Variants in ULK4 observed in about 807,000 individuals in gnomAD.
The protein encoded by ULK4 is unc-51 like kinase 4, also known as inactive serine/threonine-protein kinase ULK4.
ULK4 carries 133 observed loss-of-function variants against 160.6 expected under a neutral mutation model. The observed-to-expected ratio is 0.83, with a 90% CI of 0.72 to 0.96. The LOEUF (loss-of-function observed/expected upper bound fraction) is 0.96, where lower values mean the gene tolerates loss of function less well. ULK4 is among the 40% of genes least tolerant of loss of function. The pLI, the probability that ULK4 is intolerant of heterozygous loss-of-function variation, is 0.00. For synonymous variants in ULK4, 534 were observed against 539.8 expected (o/e 0.99, Z 0.15); for missense variants, 1,580 against 1,499.5 (o/e 1.05, Z -0.89).
chr3:41,622,436 TG>T (rs1215279953), intron 30 of ULK4, among the ~76,000 whole-genome samples: 7 of 151,930 alleles, frequency 4.6e-5, no homozygotes, highest in African/African-American at 1.7e-4. Context: ...AGTAGGAGTT[TG>T]TGTCCTTTGC....
At chr3:41,465,776 C>T (rs1391546281) in intron 32 of ULK4, among the ~76,000 whole-genome samples, 1 of 152,152 alleles carries the variant, frequency 6.6e-6, no homozygotes, top group Non-Finnish European at 1.5e-5. Flanking sequence ...TGCATCTTAT[C>T]TGGAAAGATA....
intron 16 of ULK4, among the ~76,000 whole-genome samples, chr3:41,884,881 G>T (rs1246996347): frequency 6.6e-6 from 1 of 152,124 alleles, no homozygotes; most frequent in Non-Finnish European, 1.5e-5. Flanking sequence ...TGTAGAATTA[G>T]CATCCCACCT....
chr3:41,416,210 A>AGG (rs1293072714), intron 34 of ULK4, among the ~76,000 whole-genome samples: 2 of 151,934 alleles, frequency 1.3e-5, no homozygotes, highest in Admixed American at 1.3e-4. Context: ...CCTGGGACAA[A>AGG]TTTGTCCCCA....
chr3:41,801,878 G>A lies in ULK4; in HGVS notation c.1849-1585C>T, dbSNP rs542745703. Among the ~76,000 whole-genome samples, 9 of 151,568 alleles carry A rather than the reference G, an allele frequency of 5.9e-5. No individual in the cohort carries two copies. The South Asian group carries it at 1.2e-3, about 21-fold the overall frequency. ...AAATAAAAATAAAATAAAATAAAAA[G>A]AAAAGAAAACTTTACAAGCAACTAG... On this transcript the variant is annotated intron_variant, in intron 19 of 36. Transcript: ENST00000301831.
intron 21 of ULK4, among the ~76,000 whole-genome samples, chr3:41,773,771 C>T (rs1020845344): frequency 2.0e-5 from 3 of 152,126 alleles, no homozygotes; most frequent in African/African-American, 7.2e-5. Context: ...CAAGTCAATC[C>T]TAAGCCAAAA....
intron 30 of ULK4, 105 bp downstream of exon 30, chr3:41,663,502 T>C: frequency 9.3e-7 from 1 of 1,080,030 alleles, no homozygotes; most frequent in Non-Finnish European, 1.4e-6. Context: ...TTTTGACAAC[T>C]CAAACATTAG....
intron 22 of ULK4, among the ~76,000 whole-genome samples, chr3:41,745,492 A>T (rs2038390207): frequency 6.6e-6 from 1 of 151,798 alleles, no homozygotes; most frequent in African/African-American, 2.4e-5. Context: ...ACTTAAAGAA[A>T]TTGAATTTGT....
intron 35 of ULK4, among the ~76,000 whole-genome samples, chr3:41,258,926 AG>A (rs1276098427): frequency 6.6e-6 from 1 of 151,482 alleles, no homozygotes; most frequent in Non-Finnish European, 1.5e-5. Flanking sequence ...AAACTTGGAA[AG>A]ACAATTCCTC....
At chr3:41,452,091 T>C (rs1443796327) in intron 34 of ULK4, among the ~76,000 whole-genome samples, 1 of 152,212 alleles carries the variant, frequency 6.6e-6, no homozygotes, top group Non-Finnish European at 1.5e-5. Flanking sequence ...GGGAATCTTC[T>C]GATTTTGATC....
At chr3:41,946,334 G>C (rs1700110694) in intron 2 of ULK4, among the ~76,000 whole-genome samples, 1 of 151,958 alleles carries the variant, frequency 6.6e-6, no homozygotes, top group South Asian at 2.1e-4. Context: ...TTCAAGAACA[G>C]GCAAAATAAT....
chr3:41,806,674 G>A (rs1353521237), intron 19 of ULK4, among the ~76,000 whole-genome samples: 1 of 151,754 alleles, frequency 6.6e-6, no homozygotes, highest in Non-Finnish European at 1.5e-5. Flanking sequence ...CAGAGATTCT[G>A]GTATGTTGTG....
chr3:41,892,450 CCAA>C (rs1698000710), intron 16 of ULK4, among the ~76,000 whole-genome samples: 1 of 152,124 alleles, frequency 6.6e-6, no homozygotes, highest in African/African-American at 2.4e-5. Flanking sequence ...AAGCCAGTGC[CCAA>C]CAACAGATGA....
intron 19 of ULK4, among the ~76,000 whole-genome samples, chr3:41,816,076 T>C (rs376207757): frequency 1.2e-4 from 19 of 152,112 alleles, no homozygotes; most frequent in African/African-American, 4.6e-4. Flanking sequence ...CATAGCAAGA[T>C]TGTATGTGTA....
chr3:41,586,427 A>C (rs2030806412), intron 31 of ULK4, among the ~76,000 whole-genome samples: 1 of 152,192 alleles, frequency 6.6e-6, no homozygotes. Flanking sequence ...CCATTTCATA[A>C]AGTGTGTAAA....
chr3:41,957,855 A>G (rs1700537508), intron 1 of ULK4, among the ~76,000 whole-genome samples: 1 of 152,066 alleles, frequency 6.6e-6, no homozygotes, highest in South Asian at 2.1e-4. Context: ...GAAACATGGC[A>G]ACACATCATC....
intron 35 of ULK4, among the ~76,000 whole-genome samples, chr3:41,344,677 C>T (rs536377981): frequency 7.0e-5 from 10 of 142,178 alleles, no homozygotes; most frequent in African/African-American, 1.1e-4. Flanking sequence ...TGCTTAAACT[C>T]GGGGGGCAAA....
intron 33 of ULK4, among the ~76,000 whole-genome samples, chr3:41,461,972 A>G (rs368768573): frequency 2.0e-5 from 3 of 152,344 alleles, no homozygotes; most frequent in East Asian, 3.9e-4. Context: ...GTACGTAACA[A>G]TTATTTACTG....
At chr3:41,558,770 G>A (rs556777332) in intron 32 of ULK4, among the ~76,000 whole-genome samples, 1 of 151,692 alleles carries the variant, frequency 6.6e-6, no homozygotes, top group East Asian at 1.9e-4. Flanking sequence ...CGGTGGGCGG[G>A]GGGAAATTAG....
intron 17 of ULK4, among the ~76,000 whole-genome samples, chr3:41,837,031 T>A (rs749058414): frequency 6.6e-6 from 1 of 152,230 alleles, no homozygotes; most frequent in Non-Finnish European, 1.5e-5. Context: ...TTTCTTACCA[T>A]TGACAAAGAC....
Sources: allele counts gnomAD v4.1 joint callset (sites outside exome capture counted in the v4.1 genomes callset), GRCh38; gene constraint gnomAD v4.1.1; transcripts MANE v1.5; gene names NCBI Gene and HGNC (gene_info 2026-07-23, HGNC 2026-07-21).